Variants in USP46 observed in about 807,000 individuals in gnomAD.
The protein encoded by USP46 is ubiquitin carboxyl-terminal hydrolase 46.
In USP46, 12 loss-of-function variants were observed where a neutral mutation model predicts 44.4. The ratio of observed to expected loss-of-function variants is 0.27; its 90% CI spans 0.17 to 0.44. The LOEUF (loss-of-function observed/expected upper bound fraction) is 0.44. USP46 is among the 20% of genes least tolerant of loss of function. The probability of loss-of-function intolerance (pLI) is 1.00; values close to 1 mark genes in which losing one functional copy is unlikely to be tolerated. For synonymous variants in USP46, 155 were observed against 161.5 expected (o/e 0.96, Z 0.31); for missense variants, 248 against 444.8 (o/e 0.56, Z 3.98).
intron 2 of USP46, chr4:52,629,630 T>A (rs1435048712): frequency 4.4e-6 from 2 of 456,290 alleles, no homozygotes; most frequent in East Asian, 1.4e-4. Context: ...ACTCAGTATC[T>A]CACCTTTCCC....
intron 1 of USP46, among the ~76,000 whole-genome samples, chr4:52,640,294 C>G (rs1718283589): frequency 6.6e-6 from 1 of 152,090 alleles, no homozygotes; most frequent in Non-Finnish European, 1.5e-5. Flanking sequence ...CTGCGACGTG[C>G]CTGGCTCTAT....
In USP46 at chr4:52,592,943, G is replaced by C. The variant is rs140926332; in HGVS notation, c.*4697C>G. On this transcript the variant is annotated 3_prime_UTR_variant, in exon 9 of 9. Coordinates refer to ENST00000441222, the MANE Select transcript of USP46 (RefSeq NM_022832.4). ...GCTTTCCCTTTGCCTTCTGCTGATT[G>C]TAAGTTTCCTGAGGCCTCCCCCAGA... 4 of 398,446 alleles carry C rather than the reference G, an allele frequency of 1.0e-5. No homozygotes were observed. Among genetic ancestry groups the C allele is most frequent in the Non-Finnish European group, 4.4e-6 (1 of 226,206 alleles). 24.7% of individuals were successfully genotyped at this position (398,446 alleles called of 1,614,324 possible). A position where few individuals can be genotyped will look rare whatever the true frequency, so the allele number is the denominator to read the frequency against.
intron 1 of USP46, among the ~76,000 whole-genome samples, chr4:52,646,188 A>G (rs1718544408): frequency 6.6e-6 from 1 of 152,320 alleles, no homozygotes; most frequent in South Asian, 2.1e-4. Context: ...GGTCTTCATC[A>G]GTGAAAATCA....
intron 4 of USP46, among the ~76,000 whole-genome samples, chr4:52,621,600 G>C (rs1238874161): frequency 6.6e-6 from 1 of 152,006 alleles, no homozygotes; most frequent in African/African-American, 2.4e-5. Flanking sequence ...AGGTTGCAGT[G>C]AGCCAAGATC....
intron 1 of USP46, among the ~76,000 whole-genome samples, chr4:52,651,522 G>A (rs892822336): frequency 6.6e-5 from 10 of 152,178 alleles, no homozygotes; most frequent in Admixed American, 2.0e-4. Flanking sequence ...AAAATGAAGT[G>A]TAGAGAATAC....
intron 1 of USP46, among the ~76,000 whole-genome samples, chr4:52,631,551 A>G (rs1717827283): frequency 6.6e-6 from 1 of 152,178 alleles, no homozygotes; most frequent in East Asian, 1.9e-4. Flanking sequence ...TTTAATAAAG[A>G]TTTACTGAGC....
At position 52,596,586 on chromosome 4, in the gene USP46, A is replaced by G. The variant is rs566390892; in HGVS notation, c.*1054T>C. 1 of 152,274 alleles carries G rather than the reference A, an allele frequency of 6.6e-6. No homozygotes were observed. The highest frequency in any genetic ancestry group is 1.9e-4 in the East Asian group (1 of 5,168). The allele number at this position is 152,274 out of a possible 1,614,324, so 9.4% of individuals were successfully genotyped here. A position where few individuals can be genotyped will look rare whatever the true frequency, so the allele number is the denominator to read the frequency against. ...CCCAGCTAACTCTGGTATTCCCTCT[A>G]GGGAAGGTTCTGTATCAGCCCTGGG... On this transcript the variant is annotated 3_prime_UTR_variant, in exon 9 of 9. Transcript: ENST00000441222.
intron 1 of USP46, among the ~76,000 whole-genome samples, chr4:52,632,980 G>GAAAAGA (rs375021775): frequency 1.3e-4 from 9 of 71,426 alleles, no homozygotes; most frequent in Non-Finnish European, 1.1e-4. Context: ...AAGAAAGAAA[G>GAAAAGA]AAAGAAAAGA....
chr4:52,651,666 C>T (rs1019819824), intron 1 of USP46, among the ~76,000 whole-genome samples: 2 of 152,142 alleles, frequency 1.3e-5, no homozygotes, highest in African/African-American at 2.4e-5. Flanking sequence ...TTTCACAATG[C>T]CTTTCTAAAA....
At chr4:52,603,312 T>A (rs905136631) in intron 6 of USP46, among the ~76,000 whole-genome samples, 2 of 152,200 alleles carry the variant, frequency 1.3e-5, no homozygotes, top group African/African-American at 4.8e-5. Context: ...ACAAAAGGTA[T>A]CTACCTACCT....
chr4:52,641,021 C>G (rs569324563), intron 1 of USP46, among the ~76,000 whole-genome samples: 10 of 151,738 alleles, frequency 6.6e-5, no homozygotes, highest in South Asian at 2.1e-4. Context: ...CTGTTGATAT[C>G]CAGCCTGACT....
intron 1 of USP46, among the ~76,000 whole-genome samples, chr4:52,644,207 CCAAGGT>C (rs1326073168): frequency 6.6e-6 from 1 of 152,128 alleles, no homozygotes; most frequent in African/African-American, 2.4e-5. Flanking sequence ...AACTAACTTG[CCAAGGT>C]CAAGTGTTAG....
At chr4:52,631,839 C>G (rs2109638273) in intron 1 of USP46, among the ~76,000 whole-genome samples, 1 of 152,220 alleles carries the variant, frequency 6.6e-6, no homozygotes, top group East Asian at 1.9e-4. Flanking sequence ...AATCCCATCT[C>G]TACTAAAAAT....
At chr4:52,640,749 T>C (rs1389492909) in intron 1 of USP46, among the ~76,000 whole-genome samples, 1 of 146,782 alleles carries the variant, frequency 6.8e-6, no homozygotes, top group Non-Finnish European at 1.5e-5. Context: ...GAGGTTGCAA[T>C]GAGCCAAGAT....
chr4:52,632,944 GAA>G (rs1312243303), intron 1 of USP46, among the ~76,000 whole-genome samples: 8 of 62,950 alleles, frequency 1.3e-4, no homozygotes, highest in African/African-American at 5.9e-4. Context: ...AAGAAAGAAA[GAA>G]AGAAAGAAAG....
Position 52,626,341 on chromosome 4 carries a change from T to A in USP46, c.332-94A>T, listed in dbSNP as rs1320244034. ...ATGCCATACTTAAATATTTTTTTTT[T>A]GAGATGGAGTCTCGCTGTGTCGCCA... On this transcript the variant is annotated intron_variant, in intron 3 of 8. Transcript: ENST00000441222. The A allele has an allele frequency of 3.8e-6, 4 of 1,063,692 alleles. No homozygotes were observed. The African/African-American group carries it at 6.4e-5, about 17-fold the overall frequency. The allele number at this position is 1,063,692 out of a possible 1,614,324, so 65.9% of individuals were successfully genotyped here. A position where few individuals can be genotyped will look rare whatever the true frequency, so the allele number is the denominator to read the frequency against.
intron 4 of USP46, among the ~76,000 whole-genome samples, chr4:52,615,713 C>T (rs913882511): frequency 2.6e-5 from 4 of 152,074 alleles, no homozygotes; most frequent in African/African-American, 7.2e-5. Flanking sequence ...TTAGTAGTGA[C>T]CTCAAATAAA....
intron 4 of USP46, among the ~76,000 whole-genome samples, chr4:52,615,183 A>G (rs754714913): frequency 1.3e-4 from 20 of 152,208 alleles, no homozygotes; most frequent in Non-Finnish European, 2.8e-4. Context: ...AACTATATCA[A>G]TAATTACCAT....
intron 4 of USP46, among the ~76,000 whole-genome samples, chr4:52,611,627 C>T (rs1407750584): frequency 2.0e-5 from 3 of 152,274 alleles, no homozygotes; most frequent in East Asian, 1.9e-4. Context: ...TGGCTCACAC[C>T]TGTAATCACG....
Sources: gnomAD v4.1 joint callset for allele counts (sites outside exome capture counted in the v4.1 genomes callset) on GRCh38, gnomAD v4.1.1 for gene constraint, MANE v1.5 for transcripts, NCBI Gene and HGNC (gene_info 2026-07-23, HGNC 2026-07-21) for gene names.